Variants in RFESD observed in about 807,000 individuals in gnomAD.
The protein encoded by RFESD is Rieske Fe-S domain containing.
A neutral mutation model predicts 24.4 loss-of-function variants in RFESD; 16 were observed. The ratio of observed to expected loss-of-function variants is 0.66; its 90% CI spans 0.44 to 1.00. RFESD has a LOEUF of 1.00. Among genes scored for constraint, RFESD ranks in the 50% least tolerant of loss-of-function variants. The probability of loss-of-function intolerance (pLI) is 0.00; values close to 1 mark genes in which losing one functional copy is unlikely to be tolerated. For synonymous variants in RFESD, 59 were observed against 81.8 expected (o/e 0.72, Z 1.50); for missense variants, 208 against 247.0 (o/e 0.84, Z 1.06).
At chr5:95,648,373 T>C (rs1346331609) in intron 1 of RFESD, among the ~76,000 whole-genome samples, 1 of 152,206 alleles carries the variant, frequency 6.6e-6, no homozygotes, top group Non-Finnish European at 1.5e-5. Context: ...AATTTTCTGT[T>C]TCATTCAGTT....
At chr5:95,653,934 A>G (rs1750536667) in intron 3 of RFESD, 127 bp from the exon 4 acceptor site, 4 of 636,504 alleles carry the variant, frequency 6.3e-6, no homozygotes, top group South Asian at 2.2e-5. Flanking sequence ...AATGTTTTAT[A>G]TAGCTACAGA....
intron 1 of RFESD, among the ~76,000 whole-genome samples, chr5:95,650,182 T>A (rs536498800): frequency 1.3e-5 from 2 of 152,320 alleles, no homozygotes; most frequent in African/African-American, 4.8e-5. Context: ...TATTGTGAGA[T>A]AATTTTTAAA....
rs540139725 is a variant in RFESD, at chr5:95,655,067, G to A, written c.369+700G>A. ...GAAATTGGTCTCTCTCTCTCTAACC[G>A]ATGCAAAGTACAAGCTTGAACTTAG... On this transcript the variant is annotated intron_variant, in intron 5 of 5. Coordinates refer to ENST00000380005, the MANE Select transcript of RFESD (RefSeq NM_001131066.2). Among the ~76,000 whole-genome samples the A allele has an allele frequency of 8.2e-4, 125 of 152,090 alleles. No homozygotes were observed. The East Asian group carries it at 0.011, about 13-fold the overall frequency.
chr5:95,655,129 C>A (rs1441071077), intron 5 of RFESD, among the ~76,000 whole-genome samples: 1 of 152,156 alleles, frequency 6.6e-6, no homozygotes, highest in African/African-American at 2.4e-5. Flanking sequence ...GTGTACACAC[C>A]TGTCCTCATG....
chr5:95,646,982 G>A (rs1221996280), intron 1 of RFESD, 165 bp downstream of exon 1: 1 of 152,526 alleles, frequency 6.6e-6, no homozygotes, highest in African/African-American at 2.4e-5. Context: ...CCGCCAAGGC[G>A]GGCTTCCGCC....
rs1422234909 is a variant in RFESD, at chr5:95,657,969, G to T, written c.*1660G>T. 6.6e-6 allele frequency: 1 copy of T among 152,146 alleles called. No homozygotes were observed. The highest frequency in any genetic ancestry group is 1.5e-5 in the Non-Finnish European group (1 of 68,024). 9.4% of individuals were successfully genotyped at this position (152,146 alleles called of 1,614,324 possible). Reference sequence around the variant, plus strand: ...GCCCTGGTTTGCAGGAATAATTACAGAAATATTTTCTCATAGGAGCCACTG... The same window carrying T: ...GCCCTGGTTTGCAGGAATAATTACATAAATATTTTCTCATAGGAGCCACTG... On this transcript the variant is annotated 3_prime_UTR_variant, in exon 6 of 6. Transcript: ENST00000380005.
intron 3 of RFESD, among the ~76,000 whole-genome samples, chr5:95,653,604 A>T (rs1561387016): frequency 1.3e-5 from 2 of 152,122 alleles, no homozygotes; most frequent in South Asian, 4.1e-4. Context: ...ACTTAATATA[A>T]TCCAGTATTT....
In RFESD at chr5:95,652,919, A is replaced by G. The variant is rs1246414404; in HGVS notation, c.61-198A>G. ...TCCACAGAGCCGGGAGCATTCTTTC[A>G]AAAAGAAATCAATTCACACTTTCCT... On this transcript the variant is annotated intron_variant, in intron 2 of 5. Transcript: ENST00000380005. 7 of 672,390 alleles carry G rather than the reference A, an allele frequency of 1.0e-5. 1 individual carries two copies. The Admixed American group carries it at 1.1e-4, about 10-fold the overall frequency. 41.7% of individuals were successfully genotyped at this position (672,390 alleles called of 1,614,324 possible). A position where few individuals can be genotyped will look rare whatever the true frequency, so the allele number is the denominator to read the frequency against.
At position 95,656,430 on chromosome 5, in the gene RFESD, T is replaced by A. The variant is rs1302962693; in HGVS notation, c.*121T>A. 3 of 721,328 alleles carry A rather than the reference T, an allele frequency of 4.2e-6. No homozygotes were observed. Among genetic ancestry groups the A allele is most frequent in the African/African-American group, 1.8e-5 (1 of 55,972 alleles). 44.7% of individuals were successfully genotyped at this position (721,328 alleles called of 1,614,324 possible). Reference sequence around the variant, plus strand: ...TAGGCACAACTGTTTAAAATTCACATACATTTGAGAGGTTTAAGAGCACAC... The same window carrying A: ...TAGGCACAACTGTTTAAAATTCACAAACATTTGAGAGGTTTAAGAGCACAC... On this transcript the variant is annotated 3_prime_UTR_variant, in exon 6 of 6. Transcript: ENST00000380005.
chr5:95,653,171 C>A lies in RFESD; in HGVS notation c.115C>A (p.His39Asn). ...ATGTCTAGTTCATTTGCATTTTGGG[C>A]ATTTCAGCTCAGCTGTCATCTCAGT... ...LACLVHLHFGHFSSAVISVTS... is the reference protein window; with the variant it reads ...LACLVHLHFGNFSSAVISVTS... The change falls in exon 3 of 6, where the codon CAT becomes AAT. Residue 39 changes from histidine (H) to asparagine (N), a missense_variant. Transcript: ENST00000380005. 1 of 1,551,702 alleles carries A rather than the reference C, an allele frequency of 6.4e-7. No homozygotes were observed. The highest frequency in any genetic ancestry group is 8.7e-7 in the Non-Finnish European group (1 of 1,146,986).
In RFESD at chr5:95,656,250, A is replaced by C. The variant is rs772994742; in HGVS notation, c.574A>C (p.Lys192Gln). Reference protein sequence around the residue: ...IYVTLSNEPFKCDSDFYATGD... With the variant: ...IYVTLSNEPFQCDSDFYATGD... ...TGTGACTCTTTCTAATGAACCTTTTAAGTGTGACTCTGATTTTTATGCCAC... is the reference window on the plus strand; with the variant it reads ...TGTGACTCTTTCTAATGAACCTTTTCAGTGTGACTCTGATTTTTATGCCAC... Residue 192 changes from lysine to glutamine, a missense_variant, in exon 6 of 6, where the codon AAG becomes CAG. Lys to Gln is a moderately conservative substitution (Grantham distance 53). Coordinates refer to ENST00000380005, the MANE Select transcript of RFESD (RefSeq NM_001131066.2). 1 of 1,613,384 alleles carries C rather than the reference A, an allele frequency of 6.2e-7. No individual in the cohort carries two copies. Among genetic ancestry groups the C allele is most frequent in the East Asian group, 2.2e-5 (1 of 44,864 alleles).
chr5:95,647,404 C>G (rs541867462), intron 1 of RFESD: 15 of 152,320 alleles, frequency 9.8e-5, no homozygotes, highest in African/African-American at 3.4e-4. Flanking sequence ...TTTACCCACA[C>G]CCCTATGTGG....
chr5:95,653,000 A>G, intron 2 of RFESD, 117 bp from the exon 3 acceptor site: 1 of 1,386,250 alleles, frequency 7.2e-7, no homozygotes, highest in Non-Finnish European at 9.7e-7. Flanking sequence ...CATACACAGC[A>G]CTGCACAACC....
Position 95,656,229 on chromosome 5 carries a change from A to G in RFESD, c.553A>G (p.Thr185Ala). Residue 185 changes from threonine (T) to alanine (A), a missense_variant, in exon 6 of 6, where the codon ACT (threonine) becomes GCT (alanine). By Grantham distance (58) the Thr-to-Ala change is moderately conservative (BLOSUM62 0). Coordinates refer to ENST00000380005, the MANE Select transcript of RFESD (RefSeq NM_001131066.2). ...VTVDNGNIYV[T>A]LSNEPFKCDS... is the part of the protein sequence containing the mutation. ...AGTAGACAACGGAAATATTTATGTGACTCTTTCTAATGAACCTTTTAAGTG... is the reference window on the plus strand; with the variant it reads ...AGTAGACAACGGAAATATTTATGTGGCTCTTTCTAATGAACCTTTTAAGTG... 1.2e-6 allele frequency: 2 copies of G among 1,613,622 alleles called. No individual in the cohort carries two copies. The highest frequency in any genetic ancestry group is 1.7e-5 in the Admixed American group (1 of 60,018).
intron 3 of RFESD, 125 bp from the exon 4 acceptor site, chr5:95,653,936 A>G: frequency 3.1e-6 from 2 of 639,648 alleles, no homozygotes; most frequent in East Asian, 5.5e-5. Context: ...TGTTTTATAT[A>G]GCTACAGAAA....
At chr5:95,647,403 A>T (rs1357976502) in intron 1 of RFESD, 1 of 152,156 alleles carries the variant, frequency 6.6e-6, no homozygotes, top group Non-Finnish European at 1.5e-5. Flanking sequence ...CTTTACCCAC[A>T]CCCCTATGTG....
chr5:95,647,996 A>G (rs1368473555), intron 1 of RFESD: 1 of 152,206 alleles, frequency 6.6e-6, no homozygotes, highest in African/African-American at 2.4e-5. Flanking sequence ...CATACTTGAG[A>G]TAAGCATTCT....
rs748084430 is a variant in RFESD, at chr5:95,653,092, G to A, written c.61-25G>A. ...TCACCAAGACTTTTCTTTCCTTCAGGCTTTTGTATTTGCTCTTCTTTCAGT... is the reference window on the plus strand; with the variant it reads ...TCACCAAGACTTTTCTTTCCTTCAGACTTTTGTATTTGCTCTTCTTTCAGT... On this transcript the variant is annotated intron_variant, in intron 2 of 5. Transcript: ENST00000380005. The A allele has an allele frequency of 7.1e-6, 11 of 1,550,446 alleles. No individual in the cohort carries two copies. The East Asian group carries it at 2.0e-4, about 28-fold the overall frequency.
intron 1 of RFESD, among the ~76,000 whole-genome samples, 158 bp from the exon 2 acceptor site, chr5:95,651,979 G>A (rs12189300): frequency 0.082 from 12,405 of 152,176 alleles, 699 homozygotes; most frequent in Non-Finnish European, 0.12. Context: ...AAAGAGAAAA[G>A]GGTACAGGGT....
Sources: gnomAD v4.1 joint callset for allele counts (sites outside exome capture counted in the v4.1 genomes callset) on GRCh38, gnomAD v4.1.1 for gene constraint, MANE v1.5 for transcripts, NCBI Gene and HGNC (gene_info 2026-07-23, HGNC 2026-07-21) for gene names.